The following RBM20 variants were observed in gnomAD, a reference collection of about 807,000 sequenced individuals.
RBM20 encodes the protein RNA binding motif protein 20, also known as RNA-binding protein 20.
A neutral mutation model predicts 110.1 loss-of-function variants in RBM20; 51 were observed. The observed-to-expected ratio is 0.46, with a 90% CI of 0.37 to 0.59. RBM20 has a LOEUF of 0.59. Among genes scored for constraint, RBM20 ranks in the 20% least tolerant of loss-of-function variants. RBM20 has a pLI of 0.00. For missense variants in RBM20, 1,512 were observed against 1,574.9 expected (o/e 0.96, Z 0.68); for synonymous variants, 589 against 618.2 (o/e 0.95, Z 0.70).
chr10:110,713,840 G>A (rs1199334233), intron 1 of RBM20, among the ~76,000 whole-genome samples: 2 of 152,128 alleles, frequency 1.3e-5, no homozygotes, highest in Admixed American at 6.6e-5. Flanking sequence ...CCACAATCCC[G>A]GGCTCCTTAT....
At chr10:110,681,942 T>G (rs551933202) in intron 1 of RBM20, among the ~76,000 whole-genome samples, 1 of 152,282 alleles carries the variant, frequency 6.6e-6, no homozygotes, top group African/African-American at 2.4e-5. Flanking sequence ...CAGGTTGCAG[T>G]GCAATGGCAT....
intron 1 of RBM20, among the ~76,000 whole-genome samples, chr10:110,663,453 T>G (rs1353899600): frequency 6.6e-6 from 1 of 152,226 alleles, no homozygotes; most frequent in Non-Finnish European, 1.5e-5. Context: ...CTATCTATTA[T>G]TTAAGAAATA....
intron 12 of RBM20, among the ~76,000 whole-genome samples, chr10:110,823,896 T>G (rs887625075): frequency 1.3e-5 from 2 of 151,618 alleles, no homozygotes; most frequent in Non-Finnish European, 1.5e-5. Context: ...TTTTTTAATT[T>G]TTTTTTTTTT....
chr10:110,661,947 G>T (rs951108259), intron 1 of RBM20, among the ~76,000 whole-genome samples: 1 of 151,724 alleles, frequency 6.6e-6, no homozygotes, highest in Non-Finnish European at 1.5e-5. Context: ...GGAGGCGGAA[G>T]CTGCAGTGAG....
At chr10:110,765,076 G>A (rs1844062061) in intron 1 of RBM20, among the ~76,000 whole-genome samples, 1 of 152,060 alleles carries the variant, frequency 6.6e-6, no homozygotes, top group Non-Finnish European at 1.5e-5. Context: ...TGAAATCAGC[G>A]ATCCTAATGT....
rs1388142987 is a variant in RBM20 at position 110,799,935 on chromosome 10, C to T, written c.1800+17C>T. On this transcript the variant is annotated intron_variant, in intron 7 of 13. Coordinates refer to ENST00000369519, the MANE Select transcript of RBM20 (RefSeq NM_001134363.3). ...CAGCTCAAGGTAAAGCATTATCTTG[C>T]TCATTCAGTCATTCAACAAGCACCA... is the stretch of plus-strand genomic sequence containing the variant. 3 of 1,550,296 alleles carry T rather than the reference C, an allele frequency of 1.9e-6. No individual in the cohort carries two copies. The highest frequency in any genetic ancestry group is 8.7e-7 in the Non-Finnish European group (1 of 1,145,592).
intron 7 of RBM20, 148 bp downstream of exon 7, chr10:110,800,066 A>G: frequency 3.9e-6 from 3 of 773,636 alleles, no homozygotes; most frequent in Non-Finnish European, 4.1e-6. Context: ...CTCGAGGCAA[A>G]CCATTGCAGC....
At chr10:110,789,116 A>G (rs891976191) in intron 5 of RBM20, among the ~76,000 whole-genome samples, 5 of 152,334 alleles carry the variant, frequency 3.3e-5, no homozygotes, top group South Asian at 4.1e-4. Flanking sequence ...GAGTAAAACC[A>G]GGAACAGCCA....
intron 1 of RBM20, among the ~76,000 whole-genome samples, chr10:110,675,861 A>G (rs996417545): frequency 3.3e-5 from 5 of 152,248 alleles, no homozygotes; most frequent in Admixed American, 2.0e-4. Context: ...GTGATAATAT[A>G]TATAATCATT....
chr10:110,673,288 A>G (rs1003019310), intron 1 of RBM20, among the ~76,000 whole-genome samples: 1 of 151,660 alleles, frequency 6.6e-6, no homozygotes, highest in Non-Finnish European at 1.5e-5. Flanking sequence ...CTCAGCTCAC[A>G]GCAACCTCTG....
intron 1 of RBM20, among the ~76,000 whole-genome samples, chr10:110,699,102 C>T (rs576193415): frequency 9.9e-5 from 15 of 152,214 alleles, no homozygotes; most frequent in Admixed American, 2.6e-4. Context: ...AGCCATTGGT[C>T]GTTCACACGT....
At chr10:110,721,179 A>G (rs1033442029) in intron 1 of RBM20, among the ~76,000 whole-genome samples, 3 of 152,148 alleles carry the variant, frequency 2.0e-5, no homozygotes, top group Non-Finnish European at 4.4e-5. Context: ...AGCACTAAGC[A>G]TTGCCTGACA....
intron 1 of RBM20, among the ~76,000 whole-genome samples, chr10:110,764,934 T>TCGG (rs1404588145): frequency 3.3e-5 from 5 of 152,150 alleles, no homozygotes; most frequent in Admixed American, 3.3e-4. Flanking sequence ...AAACATGTTC[T>TCGG]CGGCGCTGAG....
chr10:110,729,843 G>A (rs537588597), intron 1 of RBM20, among the ~76,000 whole-genome samples: 321 of 152,022 alleles, frequency 2.1e-3, no homozygotes, highest in African/African-American at 6.0e-3. Flanking sequence ...TTTTTGAGAC[G>A]GAGTCTCACT....
intron 1 of RBM20, among the ~76,000 whole-genome samples, chr10:110,687,447 AC>A (rs1177592087): frequency 6.6e-6 from 1 of 152,232 alleles, no homozygotes; most frequent in Admixed American, 6.5e-5. Context: ...GCATAGTTAC[AC>A]CCAATTAAAT....
At chr10:110,665,444 C>T (rs913974568) in intron 1 of RBM20, among the ~76,000 whole-genome samples, 6 of 152,194 alleles carry the variant, frequency 3.9e-5, no homozygotes, top group East Asian at 1.9e-4. Flanking sequence ...CAAATGATAT[C>T]GGGCAGATGA....
At chr10:110,669,373 TG>T (rs1031887027) in intron 1 of RBM20, among the ~76,000 whole-genome samples, 5 of 152,208 alleles carry the variant, frequency 3.3e-5, no homozygotes, top group African/African-American at 1.2e-4. Flanking sequence ...ATGTATTATT[TG>T]GATTTTCTGT....
chr10:110,821,982 C>T (rs1378921815), intron 11 of RBM20, 47 bp downstream of exon 11: 2 of 1,500,546 alleles, frequency 1.3e-6, no homozygotes, highest in East Asian at 4.9e-5. Flanking sequence ...GATTGGACTC[C>T]TGCTCACCTG....
chr10:110,823,230 C>A (rs1300546061), intron 11 of RBM20, among the ~76,000 whole-genome samples: 1 of 151,972 alleles, frequency 6.6e-6, no homozygotes, highest in East Asian at 1.9e-4. Flanking sequence ...AGCCCATCCC[C>A]CTGGGCCAAA....
Sources: gnomAD v4.1 joint callset for allele counts (sites outside exome capture counted in the v4.1 genomes callset) on GRCh38, gnomAD v4.1.1 for gene constraint, MANE v1.5 for transcripts, NCBI Gene and HGNC (gene_info 2026-07-23, HGNC 2026-07-21) for gene names.